The following MAGI2 variants were observed in gnomAD, a reference collection of about 807,000 sequenced individuals.
The protein encoded by MAGI2 is membrane associated guanylate kinase, WW and PDZ domain containing 2.
In MAGI2, 35 loss-of-function variants were observed where a neutral mutation model predicts 133.3. That is an observed-to-expected ratio of 0.26 (90% CI 0.20 to 0.35). The LOEUF is 0.35. MAGI2 is among the 10% of genes least tolerant of loss of function. MAGI2 has a pLI of 1.00. For synonymous variants in MAGI2, 729 were observed against 710.6 expected, an observed-to-expected ratio of 1.03 and a Z score of -0.41; for missense variants, 1,636 against 1,863.4, an observed-to-expected ratio of 0.88 and a Z score of 2.25.
chr7:78,498,086 TAAAC>T (rs761240294), intron 5 of MAGI2, among the ~76,000 whole-genome samples: 20 of 152,016 alleles, frequency 1.3e-4, no homozygotes, highest in Non-Finnish European at 2.4e-4. Flanking sequence ...ACTTAATTGA[TAAAC>T]AAAAATCATA....
At chr7:79,447,952 A>G (rs1292351429) in intron 1 of MAGI2, among the ~76,000 whole-genome samples, 2 of 151,896 alleles carry the variant, frequency 1.3e-5, no homozygotes, top group Non-Finnish European at 2.9e-5. Flanking sequence ...GTAAAAGTTC[A>G]ACAGCATGAT....
intron 20 of MAGI2, among the ~76,000 whole-genome samples, chr7:78,079,588 T>C (rs753505290): frequency 6.6e-6 from 1 of 152,204 alleles, no homozygotes; most frequent in Non-Finnish European, 1.5e-5. Context: ...TTTCCCTGGG[T>C]GCTGTTGTGA....
At chr7:78,605,208 G>GC (rs1446711393) in intron 3 of MAGI2, among the ~76,000 whole-genome samples, 3 of 152,204 alleles carry the variant, frequency 2.0e-5, no homozygotes. Context: ...TAGGTTGATG[G>GC]CAATGGTAGA....
intron 2 of MAGI2, among the ~76,000 whole-genome samples, chr7:78,648,570 T>A (rs1811157336): frequency 6.6e-6 from 1 of 152,238 alleles, no homozygotes; most frequent in Non-Finnish European, 1.5e-5. Context: ...GGCTACACAT[T>A]AGAAACATCT....
chr7:78,396,808 A>T (rs1279976514), intron 6 of MAGI2, among the ~76,000 whole-genome samples: 1 of 152,182 alleles, frequency 6.6e-6, no homozygotes, highest in East Asian at 1.9e-4. Flanking sequence ...GGATCATGGC[A>T]CATAAAGAAT....
intron 2 of MAGI2, among the ~76,000 whole-genome samples, chr7:78,921,195 A>G (rs1799195527): frequency 1.3e-5 from 2 of 152,138 alleles, no homozygotes; most frequent in Admixed American, 6.6e-5. Context: ...GATCACTGGA[A>G]AGAGGCTAAA....
rs368103372 is a variant in MAGI2, at chr7:78,956,319, A to G, written c.418+50771T>C. On this transcript the variant is annotated intron_variant, in intron 2 of 21. Transcript: ENST00000354212. Reference sequence around the variant, plus strand: ...TTATTTTTAAAAATACCCCTCTCCTAGCAATTCTGTCTCTGAAATGTTTCC... The same window carrying G: ...TTATTTTTAAAAATACCCCTCTCCTGGCAATTCTGTCTCTGAAATGTTTCC... Among the ~76,000 whole-genome samples the G allele has an allele frequency of 2.0e-4, 30 of 152,266 alleles. No individual in the cohort carries two copies. In the South Asian group the frequency reaches 6.0e-3, roughly 30 times the overall value.
chr7:79,219,050 T>C (rs2129553327), intron 1 of MAGI2, among the ~76,000 whole-genome samples: 1 of 152,156 alleles, frequency 6.6e-6, no homozygotes, highest in African/African-American at 2.4e-5. Context: ...ACTAAGAACA[T>C]TACCAATAGC....
At chr7:78,480,352 C>T (rs1166354085) in intron 6 of MAGI2, among the ~76,000 whole-genome samples, 3 of 151,728 alleles carry the variant, frequency 2.0e-5, no homozygotes, top group East Asian at 3.9e-4. Flanking sequence ...AGTATTACCC[C>T]GATACCAAAA....
chr7:78,070,462 A>G (rs573598219), intron 21 of MAGI2, among the ~76,000 whole-genome samples: 15 of 146,692 alleles, frequency 1.0e-4, no homozygotes, highest in East Asian at 7.9e-4. Context: ...ATGTGTGTGT[A>G]TATATGTGTG....
chr7:78,654,705 A>ATATATATATATATATATATATATATG (rs1811955151), intron 2 of MAGI2, among the ~76,000 whole-genome samples: 1 of 1,788 alleles, frequency 5.6e-4, no homozygotes, highest in African/African-American at 1.6e-3. Flanking sequence ...ACATATATGT[A>ATATATATATATATATATATATATATG]TATATATATA....
chr7:78,215,536 A>G (rs1362639595), intron 10 of MAGI2, among the ~76,000 whole-genome samples: 1 of 152,144 alleles, frequency 6.6e-6, no homozygotes, highest in South Asian at 2.1e-4. Flanking sequence ...GTAACTATGC[A>G]CTTAGAGTGA....
intron 1 of MAGI2, among the ~76,000 whole-genome samples, chr7:79,378,106 C>T (rs1218268957): frequency 6.6e-6 from 1 of 151,788 alleles, no homozygotes; most frequent in Non-Finnish European, 1.5e-5. Flanking sequence ...CATTATTTCT[C>T]TTAGCCAGCT....
At chr7:78,031,093 G>C (rs75735285) in intron 21 of MAGI2, among the ~76,000 whole-genome samples, 6 of 152,214 alleles carry the variant, frequency 3.9e-5, no homozygotes, top group African/African-American at 1.4e-4. Flanking sequence ...GGTATGCTTA[G>C]TGAAAGAAGC....
chr7:78,411,889 C>G (rs910939865), intron 6 of MAGI2, among the ~76,000 whole-genome samples: 7 of 151,842 alleles, frequency 4.6e-5, no homozygotes, highest in African/African-American at 1.7e-4. Flanking sequence ...TAGATATTAC[C>G]ATTTTGGACA....
intron 1 of MAGI2, among the ~76,000 whole-genome samples, chr7:79,044,487 CA>C (rs1173034922): frequency 6.6e-6 from 1 of 152,034 alleles, no homozygotes; most frequent in Non-Finnish European, 1.5e-5. Context: ...ATTGAATGGG[CA>C]AAAGTTGAAA....
rs374844042 is a variant in MAGI2 at position 79,092,755 on chromosome 7, G to T, written c.302-85549C>A. Among the ~76,000 whole-genome samples, 3 of 152,034 alleles carry T rather than the reference G, an allele frequency of 2.0e-5. No homozygotes were observed. The East Asian group carries it at 5.8e-4, about 29-fold the overall frequency. ...TGCATTTCTGATTTTAAATCAGAAG[G>T]TCATGTCTGATTCCTAAGGCCTATG... On this transcript the variant is annotated intron_variant, in intron 1 of 21. Coordinates refer to ENST00000354212, the MANE Select transcript of MAGI2 (RefSeq NM_012301.4).
At chr7:79,394,089 A>T (rs774075833) in intron 1 of MAGI2, among the ~76,000 whole-genome samples, 1 of 152,138 alleles carries the variant, frequency 6.6e-6, no homozygotes, top group Admixed American at 6.6e-5. Context: ...TGGAGCCACA[A>T]GCTTGTCTCC....
chr7:78,143,303 T>C (rs1191398471), intron 16 of MAGI2, among the ~76,000 whole-genome samples: 1 of 152,194 alleles, frequency 6.6e-6, no homozygotes, highest in East Asian at 1.9e-4. Context: ...AGCCAGTTGC[T>C]TTATTCTTTT....
Sources: gnomAD v4.1 joint callset for allele counts (sites outside exome capture counted in the v4.1 genomes callset) on GRCh38, gnomAD v4.1.1 for gene constraint, MANE v1.5 for transcripts, NCBI Gene and HGNC (gene_info 2026-07-23, HGNC 2026-07-21) for gene names.